FRAS1: variants seen among roughly 807,000 people sequenced by gnomAD.
FRAS1 encodes the protein extracellular matrix organizing protein FRAS1.
FRAS1 carries 290 observed loss-of-function variants against 435.2 expected under a neutral mutation model. The ratio of observed to expected loss-of-function variants is 0.67; its 90% CI spans 0.61 to 0.73. The LOEUF (loss-of-function observed/expected upper bound fraction) is 0.73. Ranked by LOEUF, FRAS1 falls within the 30% of genes least tolerant of loss-of-function variation. FRAS1 has a pLI of 0.00. For missense variants in FRAS1, 4,860 were observed against 5,001.5 expected (o/e 0.97, Z 0.85); for synonymous variants, 1,800 against 1,851.0 (o/e 0.97, Z 0.71).
intron 30 of FRAS1, among the ~76,000 whole-genome samples, chr4:78,405,346 C>G (rs1733056912): frequency 6.6e-6 from 1 of 152,088 alleles, no homozygotes; most frequent in South Asian, 2.1e-4. Context: ...TCCTAGAAAT[C>G]TATGTTTATT....
intron 7 of FRAS1, among the ~76,000 whole-genome samples, chr4:78,266,190 G>A (rs1274392160): frequency 6.6e-6 from 1 of 151,750 alleles, no homozygotes; most frequent in Admixed American, 6.6e-5. Context: ...ATGCCTTCAA[G>A]GATCTAAGCT....
At chr4:78,090,705 A>G (rs1221072382) in intron 2 of FRAS1, among the ~76,000 whole-genome samples, 1 of 152,206 alleles carries the variant, frequency 6.6e-6, no homozygotes, top group African/African-American at 2.4e-5. Flanking sequence ...ATTGTCATTA[A>G]GAGAACAAAT....
At chr4:78,078,900 T>G (rs899961559) in intron 2 of FRAS1, among the ~76,000 whole-genome samples, 1 of 152,200 alleles carries the variant, frequency 6.6e-6, no homozygotes, top group Non-Finnish European at 1.5e-5. Flanking sequence ...CCAGCTTTGA[T>G]GAGATTTCTG....
At chr4:78,431,882 A>C (rs931895501) in intron 37 of FRAS1, among the ~76,000 whole-genome samples, 2 of 152,124 alleles carry the variant, frequency 1.3e-5, no homozygotes, top group Non-Finnish European at 2.9e-5. Flanking sequence ...TTTCATTTTT[A>C]ATTTTAAAAA....
Position 78,448,230 on chromosome 4 carries a change from A to G in FRAS1, c.6188A>G (p.Asp2063Gly). ...QFSLTDGLHV[D>G]TGRMKIYTEL... ...TCCCTCACTGATGGCCTCCACGTGG[A>G]CACAGGGAGGATGAAGATCTACACA... The change falls in exon 44 of 74, where the codon GAC becomes GGC. Residue 2063 changes from aspartate to glycine, a missense_variant. Physicochemically the swap from Asp to Gly is moderately conservative, Grantham distance 94. Coordinates refer to ENST00000512123, the MANE Select transcript of FRAS1 (RefSeq NM_025074.7). The G allele has an allele frequency of 6.2e-7, 1 of 1,611,288 alleles. No individual in the cohort carries two copies. Among genetic ancestry groups the G allele is most frequent in the Non-Finnish European group, 8.5e-7 (1 of 1,178,958 alleles).
At chr4:78,420,890 A>C (rs1229142943) in intron 33 of FRAS1, among the ~76,000 whole-genome samples, 2 of 40,436 alleles carry the variant, frequency 4.9e-5, no homozygotes, top group East Asian at 6.8e-4. Flanking sequence ...ATATATATAT[A>C]TATATATATA....
chr4:78,506,742 C>T (rs1362630068), intron 61 of FRAS1, among the ~76,000 whole-genome samples: 2 of 91,626 alleles, frequency 2.2e-5, no homozygotes, highest in African/African-American at 1.1e-4. Flanking sequence ...TTCAGCTTGC[C>T]CTCCATGGGC....
intron 31 of FRAS1, among the ~76,000 whole-genome samples, chr4:78,408,681 G>A (rs553257208): frequency 5.8e-4 from 88 of 152,284 alleles, no homozygotes; most frequent in Middle Eastern, 6.8e-3. Flanking sequence ...TAGGATTATT[G>A]TGATGATTTA....
intron 2 of FRAS1, among the ~76,000 whole-genome samples, chr4:78,109,141 T>C (rs1176857465): frequency 1.4e-5 from 1 of 70,714 alleles, no homozygotes; most frequent in Non-Finnish European, 2.8e-5. Flanking sequence ...CAGGACCAGA[T>C]GGATTCACAG....
In FRAS1 at chr4:78,451,768, A is replaced by G. The variant is rs1230318356; in HGVS notation, c.6464-4A>G. On this transcript the variant is annotated splice_polypyrimidine_tract_variant and splice_region_variant and intron_variant, in intron 45 of 73. Coordinates refer to ENST00000512123, the MANE Select transcript of FRAS1 (RefSeq NM_025074.7). ...CAAATCTTGATTTTTTTTCCTTTTT[A>G]TAGGCCACGTAGAATATAGTCATGG... 6.3e-7 allele frequency: 1 copy of G among 1,581,876 alleles called. No individual in the cohort carries two copies. Among genetic ancestry groups the G allele is most frequent in the Admixed American group, 1.9e-5 (1 of 51,624 alleles).
chr4:78,152,713 G>A (rs1720720177), intron 2 of FRAS1, among the ~76,000 whole-genome samples: 1 of 147,674 alleles, frequency 6.8e-6, no homozygotes, highest in South Asian at 2.2e-4. Flanking sequence ...TTCAGTTTTG[G>A]AGAATTCATT....
intron 2 of FRAS1, among the ~76,000 whole-genome samples, chr4:78,092,821 G>T (rs1233820088): frequency 6.6e-6 from 1 of 152,152 alleles, no homozygotes; most frequent in African/African-American, 2.4e-5. Flanking sequence ...ATAGAGACTG[G>T]GTTAAAAGGT....
At chr4:78,427,735 G>A (rs985669041) in intron 35 of FRAS1, among the ~76,000 whole-genome samples, 4 of 152,172 alleles carry the variant, frequency 2.6e-5, no homozygotes, top group South Asian at 2.1e-4. Flanking sequence ...ACCTTCAATA[G>A]GGCTGTTTCT....
chr4:78,342,463 T>C (rs1195906665), intron 20 of FRAS1, among the ~76,000 whole-genome samples: 2 of 152,128 alleles, frequency 1.3e-5, no homozygotes, highest in Non-Finnish European at 2.9e-5. Flanking sequence ...ATAAATGAAC[T>C]GAGGTGAGAG....
intron 30 of FRAS1, among the ~76,000 whole-genome samples, chr4:78,404,599 C>T (rs72867987): frequency 6.6e-6 from 1 of 152,148 alleles, no homozygotes; most frequent in African/African-American, 2.4e-5. Context: ...TAGTGGCATC[C>T]AGTCATCTAT....
intron 32 of FRAS1, among the ~76,000 whole-genome samples, chr4:78,414,680 G>C (rs1045603371): frequency 6.6e-6 from 1 of 152,140 alleles, no homozygotes; most frequent in African/African-American, 2.4e-5. Flanking sequence ...GGCATATTTA[G>C]TATACTTGTA....
Position 78,445,679 on chromosome 4 carries a change from T to A in FRAS1, c.5823T>A (p.Arg1941=), listed in dbSNP as rs1718796110. 1.2e-6 allele frequency: 2 copies of A among 1,613,926 alleles called. No homozygotes were observed. Among genetic ancestry groups the A allele is most frequent in the South Asian group, 2.2e-5 (2 of 91,068 alleles). Residue 1941 remains arginine (R), a synonymous_variant, in exon 42 of 74, where the codon CGT becomes CGA. Transcript: ENST00000512123. ...FSFYVSDGTS[R]SEIHSINITI... ...TTTATGTGAGTGATGGAACCAGTCG[T>A]TCAGAAATTCACAGCATCAATATCA...
At chr4:78,247,919 G>A (rs1428303652) in intron 4 of FRAS1, among the ~76,000 whole-genome samples, 1 of 152,140 alleles carries the variant, frequency 6.6e-6, no homozygotes, top group Non-Finnish European at 1.5e-5. Context: ...TGGCAGGAGG[G>A]GAGGCAGTTG....
chr4:78,405,138 A>G (rs1317018133), intron 30 of FRAS1, among the ~76,000 whole-genome samples: 2 of 152,228 alleles, frequency 1.3e-5, no homozygotes, highest in Non-Finnish European at 2.9e-5. Flanking sequence ...TCTGTATGAC[A>G]TGAAAGTGAT....
Sources: gnomAD v4.1 joint callset for allele counts (sites outside exome capture counted in the v4.1 genomes callset) on GRCh38, gnomAD v4.1.1 for gene constraint, MANE v1.5 for transcripts, NCBI Gene and HGNC (gene_info 2026-07-23, HGNC 2026-07-21) for gene names.